Variants in WNT7A observed in about 807,000 individuals in gnomAD.
WNT7A encodes the protein protein Wnt-7a.
WNT7A carries 16 observed loss-of-function variants against 28.2 expected under a neutral mutation model. The ratio of observed to expected loss-of-function variants is 0.57; its 90% CI spans 0.38 to 0.86. The LOEUF is 0.86. Among genes scored for constraint, WNT7A ranks in the 40% least tolerant of loss-of-function variants. The pLI is 0.00. For synonymous variants in WNT7A, 190 were observed against 195.9 expected, an observed-to-expected ratio of 0.97 and a Z score of 0.25; for missense variants, 411 against 489.7, an observed-to-expected ratio of 0.84 and a Z score of 1.52.
At chr3:13,850,240 G>A (rs1449052577) in intron 3 of WNT7A, among the ~76,000 whole-genome samples, 1 of 152,182 alleles carries the variant, frequency 6.6e-6, no homozygotes, top group East Asian at 1.9e-4. Context: ...TGGCTCCTCA[G>A]GCCCTCGACA....
intron 2 of WNT7A, 28 bp downstream of exon 2, chr3:13,874,919 C>G (rs1421150905): frequency 6.2e-7 from 1 of 1,611,422 alleles, no homozygotes; most frequent in Non-Finnish European, 8.5e-7. Context: ...CGGTAAGACT[C>G]TGCGGGGGTG....
intron 3 of WNT7A, among the ~76,000 whole-genome samples, chr3:13,846,943 G>A (rs1379175375): frequency 6.6e-6 from 1 of 152,182 alleles, no homozygotes; most frequent in Non-Finnish European, 1.5e-5. Context: ...GGATGCCAGG[G>A]ACCAGGCTGC....
intron 3 of WNT7A, among the ~76,000 whole-genome samples, chr3:13,829,325 T>C (rs1446518366): frequency 6.6e-6 from 1 of 152,272 alleles, no homozygotes; most frequent in African/African-American, 2.4e-5. Context: ...TAAGGCATTC[T>C]GTTACTTGCA....
intron 2 of WNT7A, among the ~76,000 whole-genome samples, chr3:13,856,150 T>C (rs778706498): frequency 1.1e-4 from 16 of 151,792 alleles, no homozygotes; most frequent in Admixed American, 2.6e-4. Flanking sequence ...GTCTTTGCCG[T>C]GGCGTGCCAT....
rs1271435485 is a variant in WNT7A at position 13,818,418 on chromosome 3, T to C, written c.*526A>G. 6.9e-6 allele frequency: 1 copy of C among 145,752 alleles called. No homozygotes were observed. The highest frequency in any genetic ancestry group is 1.5e-5 in the Non-Finnish European group (1 of 67,514). 9.0% of individuals were successfully genotyped at this position (145,752 alleles called of 1,614,324 possible). A position where few individuals can be genotyped will look rare whatever the true frequency, so the allele number is the denominator to read the frequency against. On this transcript the variant is annotated 3_prime_UTR_variant, in exon 4 of 4. Coordinates refer to ENST00000285018, the MANE Select transcript of WNT7A (RefSeq NM_004625.4). ...CATAAAAGATGTCTCCTCTTGTACT[T>C]AAACATCTAGTGCTGCAAGGTGGGT... is the stretch of plus-strand genomic sequence containing the variant.
intron 3 of WNT7A, among the ~76,000 whole-genome samples, chr3:13,835,494 C>T (rs1033349532): frequency 6.6e-6 from 1 of 152,272 alleles, no homozygotes; most frequent in Non-Finnish European, 1.5e-5. Context: ...TCCTGCTGGC[C>T]TGCCTGGCTC....
chr3:13,854,674 C>T lies in WNT7A; in HGVS notation c.428G>A (p.Arg143Gln), dbSNP rs777576617. 1.5e-5 allele frequency: 24 copies of T among 1,614,054 alleles called. No individual in the cohort carries two copies. The highest frequency in any genetic ancestry group is 6.7e-5 in the Admixed American group (4 of 60,016). Residue 143 changes from arginine to glutamine, a missense_variant, in exon 3 of 4, where the codon CGG becomes CAG. Physicochemically the swap from Arg to Gln is conservative, Grantham distance 43 (BLOSUM62 1). Coordinates refer to ENST00000285018, the MANE Select transcript of WNT7A (RefSeq NM_004625.4). ...GCCACCCCACTTCCAGCCCTCGTCC[C>T]GGTGGTACTGGCCTTGCTTCTCTTT... ...CDKEKQGQYHRDEGWKWGGCS... is the reference protein window; with the variant it reads ...CDKEKQGQYHQDEGWKWGGCS...
intron 2 of WNT7A, among the ~76,000 whole-genome samples, chr3:13,864,868 G>A (rs936139489): frequency 6.6e-6 from 1 of 152,164 alleles, no homozygotes; most frequent in African/African-American, 2.4e-5. Context: ...GGAAACTCAG[G>A]CATTCTGAAT....
At chr3:13,837,643 C>G (rs1404577437) in intron 3 of WNT7A, among the ~76,000 whole-genome samples, 1 of 152,178 alleles carries the variant, frequency 6.6e-6, no homozygotes, top group Non-Finnish European at 1.5e-5. Context: ...CTGACTTAGT[C>G]CACAGAAGAT....
At chr3:13,834,444 C>T (rs1203974908) in intron 3 of WNT7A, among the ~76,000 whole-genome samples, 3 of 152,016 alleles carry the variant, frequency 2.0e-5, no homozygotes, top group African/African-American at 7.3e-5. Flanking sequence ...GGGTTGGGTG[C>T]GTGCTGGGAG....
chr3:13,862,999 G>A (rs918705211), intron 2 of WNT7A, among the ~76,000 whole-genome samples: 1 of 152,120 alleles, frequency 6.6e-6, no homozygotes, highest in Admixed American at 6.5e-5. Flanking sequence ...TCCTGACAGC[G>A]GGACCTTGAA....
At chr3:13,859,272 C>A (rs1306953356) in intron 2 of WNT7A, among the ~76,000 whole-genome samples, 3 of 152,182 alleles carry the variant, frequency 2.0e-5, no homozygotes, top group Admixed American at 6.5e-5. Context: ...TCTCCAACCT[C>A]CTCCAAAATG....
intron 3 of WNT7A, among the ~76,000 whole-genome samples, chr3:13,837,704 T>C (rs1451288114): frequency 6.6e-6 from 1 of 152,172 alleles, no homozygotes; most frequent in Non-Finnish European, 1.5e-5. Flanking sequence ...CAGGCGACGA[T>C]GCTCTGGAAC....
chr3:13,822,591 C>T (rs370830938), intron 3 of WNT7A, among the ~76,000 whole-genome samples: 16 of 152,170 alleles, frequency 1.1e-4, no homozygotes, highest in South Asian at 4.1e-4. Flanking sequence ...CTAATGGGTA[C>T]GGGTTTCTTT....
At chr3:13,823,475 C>G (rs9874609) in intron 3 of WNT7A, among the ~76,000 whole-genome samples, 2,866 of 152,240 alleles carry the variant, frequency 0.019, 95 homozygotes, top group African/African-American at 0.066. Context: ...GTTCAGGGTC[C>G]CACAGGCCCT....
intron 3 of WNT7A, among the ~76,000 whole-genome samples, chr3:13,846,501 G>A (rs112173303): frequency 3.9e-4 from 59 of 152,242 alleles, no homozygotes; most frequent in African/African-American, 1.3e-3. Flanking sequence ...TTTGTAAAAC[G>A]GAGAGAACAG....
intron 2 of WNT7A, among the ~76,000 whole-genome samples, chr3:13,868,966 G>T (rs1018290365): frequency 1.4e-5 from 2 of 143,680 alleles, no homozygotes; most frequent in African/African-American, 2.6e-5. Context: ...AAGGAAGGAA[G>T]GGAGAAAGAG....
At chr3:13,879,694 G>A in intron 1 of WNT7A, 52 bp downstream of exon 1, 2 of 1,586,690 alleles carry the variant, frequency 1.3e-6, no homozygotes, top group Non-Finnish European at 1.7e-6. Flanking sequence ...CCCTCCCCGG[G>A]CCGTGCCAAC....
chr3:13,857,911 A>T (rs938538902), intron 2 of WNT7A, among the ~76,000 whole-genome samples: 2 of 152,214 alleles, frequency 1.3e-5, no homozygotes, highest in Non-Finnish European at 2.9e-5. Context: ...TAACAATGGT[A>T]GAGCACTTAG....
Sources: allele counts gnomAD v4.1 joint callset (sites outside exome capture counted in the v4.1 genomes callset), GRCh38; gene constraint gnomAD v4.1.1; transcripts MANE v1.5; gene names NCBI Gene and HGNC (gene_info 2026-07-23, HGNC 2026-07-21).